The following RASEF variants were observed in gnomAD, a reference collection of about 807,000 sequenced individuals.
RASEF encodes ras and EF-hand domain-containing protein.
Under a neutral mutation model 90.1 loss-of-function variants are expected in RASEF, and 68 were observed. The observed-to-expected ratio is 0.75, with a 90% CI of 0.62 to 0.92. RASEF has a LOEUF of 0.92. RASEF is among the 40% of genes least tolerant of loss of function. The pLI is 0.00. For missense variants in RASEF, 949 were observed against 937.2 expected, an observed-to-expected ratio of 1.01 and a Z score of -0.16; for synonymous variants, 331 against 345.2, an observed-to-expected ratio of 0.96 and a Z score of 0.46.
Position 83,038,123 on chromosome 9 carries a change from A to T in RASEF, c.432-12202T>A, listed in dbSNP as rs150002982. Among the ~76,000 whole-genome samples, 892 of 152,234 alleles carry T rather than the reference A, an allele frequency of 5.9e-3. 9 individuals carry two copies. The highest frequency in any genetic ancestry group is 0.02 in the African/African-American group (828 of 41,564). ...TATCTAAGTATTGGAAAACATTTAA[A>T]GAATCATAAACGAACACAACTTGGT... On this transcript the variant is annotated intron_variant, in intron 1 of 16. Transcript: ENST00000376447.
chr9:83,049,291 C>G (rs1041954977), intron 1 of RASEF: 1 of 984,900 alleles, frequency 1.0e-6, no homozygotes, highest in East Asian at 1.1e-4. Context: ...TCAATGACAT[C>G]AGAATTAGCA....
chr9:83,172,474 C>G, the RASEF span, among the ~76,000 whole-genome samples: 1 of 151,188 alleles, frequency 6.6e-6, no homozygotes, highest in Non-Finnish European at 1.5e-5. Flanking sequence ...CTACTGTCTT[C>G]TTTTGTGGAC....
chr9:83,006,616 G>T (rs1829137138), intron 7 of RASEF, among the ~76,000 whole-genome samples: 1 of 152,140 alleles, frequency 6.6e-6, no homozygotes, highest in Non-Finnish European at 1.5e-5. Context: ...TAGGTTTTGT[G>T]GGGAAGACCT....
Position 82,982,755 on chromosome 9 carries a change from A to G in RASEF, c.2145T>C (p.Asp715=). The change falls in exon 17 of 17, where the codon GAT becomes GAC. Residue 715 remains aspartate, a synonymous_variant. Coordinates refer to ENST00000376447, the MANE Select transcript of RASEF (RefSeq NM_152573.4). The part of the protein sequence containing the change: ...AREVKKRTDK[D]DSRSITNLTG... ...TTAGATTGGTAATGGATCTGCTGTC[A>G]TCCTTGTCAGTTCTCTTTTTCACTT... 6.2e-7 allele frequency: 1 copy of G among 1,605,806 alleles called. No individual in the cohort carries two copies. Among genetic ancestry groups the G allele is most frequent in the Non-Finnish European group, 8.5e-7 (1 of 1,172,610 alleles).
chr9:83,066,964 G>A (rs1209054406), upstream of RASEF, among the ~76,000 whole-genome samples: 1 of 152,126 alleles, frequency 6.6e-6, no homozygotes, highest in South Asian at 2.1e-4. Context: ...TGACTAGGGT[G>A]GTGAGTCATG....
chr9:83,079,309 G>C, the RASEF span, among the ~76,000 whole-genome samples: 3 of 152,154 alleles, frequency 2.0e-5, no homozygotes, highest in African/African-American at 4.8e-5. Flanking sequence ...TGAATAGGGA[G>C]TCTTTTCCCC....
At chr9:83,081,268 T>C in the RASEF span, among the ~76,000 whole-genome samples, 1 of 152,228 alleles carries the variant, frequency 6.6e-6, no homozygotes, top group Non-Finnish European at 1.5e-5. Context: ...ACAGATGATT[T>C]GGACTTGTGC....
intron 9 of RASEF, 83 bp downstream of exon 9, chr9:83,004,415 T>TTTTATTCTATTC: frequency 1.3e-6 from 1 of 752,896 alleles, no homozygotes. Flanking sequence ...TATTCTATTA[T>TTTTATTCTATTC]TTTAATCCAC....
At chr9:83,183,781 G>A in the RASEF span, among the ~76,000 whole-genome samples, 7 of 152,174 alleles carry the variant, frequency 4.6e-5, no homozygotes, top group African/African-American at 7.2e-5. Context: ...TGTTCGTCTC[G>A]TAAGAAATGC....
At chr9:82,985,105 T>C (rs543015863) in intron 16 of RASEF, among the ~76,000 whole-genome samples, 1 of 152,250 alleles carries the variant, frequency 6.6e-6, no homozygotes, top group Non-Finnish European at 1.5e-5. Flanking sequence ...TATCATTCAT[T>C]TGGGAAAAAG....
intron 1 of RASEF, among the ~76,000 whole-genome samples, chr9:83,027,997 G>A (rs1454421117): frequency 6.6e-6 from 1 of 152,154 alleles, no homozygotes; most frequent in Non-Finnish European, 1.5e-5. Flanking sequence ...CTGTGACCGG[G>A]TTGTGACAGT....
At chr9:83,012,297 C>T in intron 5 of RASEF, 137 bp downstream of exon 5, 1 of 490,758 alleles carries the variant, frequency 2.0e-6, no homozygotes, top group Non-Finnish European at 3.6e-6. Context: ...TATCTTTGAT[C>T]AAAGTTATTT....
At chr9:83,073,780 A>G in the RASEF span, among the ~76,000 whole-genome samples, 1 of 152,256 alleles carries the variant, frequency 6.6e-6, no homozygotes. Context: ...AGATTACAAT[A>G]TGCCAATTAG....
In RASEF at chr9:83,001,148, G is replaced by T; in HGVS notation, c.1203-18C>A. On this transcript the variant is annotated intron_variant, in intron 9 of 16. Coordinates refer to ENST00000376447, the MANE Select transcript of RASEF (RefSeq NM_152573.4). The stretch of plus-strand genomic sequence containing the variant: ...GGGATGACCTGGTAATAAAGGGGAA[G>T]ACCAATTTACCTGAGGGCTGGAAAT... The T allele has an allele frequency of 6.3e-7, 1 of 1,579,160 alleles. No individual in the cohort carries two copies. The highest frequency in any genetic ancestry group is 8.7e-7 in the Non-Finnish European group (1 of 1,149,870).
intron 1 of RASEF, among the ~76,000 whole-genome samples, chr9:83,049,638 C>T (rs1477753899): frequency 6.8e-6 from 1 of 146,378 alleles, no homozygotes. Context: ...GCGCTGCACG[C>T]ACTAACGTGT....
At chr9:83,086,937 A>G in the RASEF span, among the ~76,000 whole-genome samples, 7 of 152,170 alleles carry the variant, frequency 4.6e-5, no homozygotes, top group East Asian at 5.8e-4. Flanking sequence ...CGCTAACACA[A>G]TGTTGGAAGG....
chr9:83,063,585 T>TA (rs1309139441), upstream of RASEF, among the ~76,000 whole-genome samples: 1 of 152,244 alleles, frequency 6.6e-6, no homozygotes, highest in East Asian at 1.9e-4. Flanking sequence ...TTTGTGCGTC[T>TA]AACGTTAAGG....
the RASEF span, among the ~76,000 whole-genome samples, chr9:83,147,702 G>T: frequency 1.3e-5 from 2 of 152,050 alleles, no homozygotes; most frequent in Non-Finnish European, 2.9e-5. Flanking sequence ...GTGCCCTTTT[G>T]GTACCCAGGT....
At chr9:83,070,286 T>G in the RASEF span, among the ~76,000 whole-genome samples, 4 of 152,124 alleles carry the variant, frequency 2.6e-5, no homozygotes, top group Non-Finnish European at 5.9e-5. Context: ...TGATACATTT[T>G]AAGTTAATTT....
Sources: allele counts gnomAD v4.1 joint callset (sites outside exome capture counted in the v4.1 genomes callset), GRCh38; gene constraint gnomAD v4.1.1; transcripts MANE v1.5; gene names NCBI Gene and HGNC (gene_info 2026-07-23, HGNC 2026-07-21).